The following EMSY variants were observed in gnomAD, a reference collection of about 807,000 sequenced individuals.
The protein encoded by EMSY is EMSY transcriptional repressor, BRCA2 interacting, also known as BRCA2-interacting transcriptional repressor EMSY.
A neutral mutation model predicts 134.6 loss-of-function variants in EMSY; 26 were observed. The observed-to-expected ratio is 0.19, with a 90% CI of 0.14 to 0.27. The LOEUF (loss-of-function observed/expected upper bound fraction) is 0.27, where lower values mean the gene tolerates loss of function less well. Ranked by LOEUF, EMSY falls within the 10% of genes least tolerant of loss-of-function variation. The probability of loss-of-function intolerance (pLI) is 1.00; values close to 1 mark genes in which losing one functional copy is unlikely to be tolerated. For synonymous variants in EMSY, 579 were observed against 577.8 expected (o/e 1.00, Z -0.03); for missense variants, 1,305 against 1,611.4 (o/e 0.81, Z 3.26).
intron 17 of EMSY, among the ~76,000 whole-genome samples, chr11:76,541,247 T>A (rs1253709005): frequency 6.6e-6 from 1 of 152,054 alleles, no homozygotes; most frequent in Non-Finnish European, 1.5e-5. Flanking sequence ...AACAAATGAA[T>A]AAAAAGTTGA....
At chr11:76,515,207 G>T (rs201417040) in intron 10 of EMSY, among the ~76,000 whole-genome samples, 98 of 80,160 alleles carry the variant, frequency 1.2e-3, no homozygotes, top group South Asian at 2.4e-3. Context: ...GCATTTTTTT[G>T]GGGGGGGGGA....
At chr11:76,523,430 T>A in intron 12 of EMSY, 139 bp downstream of exon 13, 1 of 935,896 alleles carries the variant, frequency 1.1e-6, no homozygotes, top group Non-Finnish European at 1.5e-6. Context: ...ATAACAACTG[T>A]TAAAGCACCA....
intron 9 of EMSY, among the ~76,000 whole-genome samples, chr11:76,502,062 A>AAC (rs1949883632): frequency 6.9e-6 from 1 of 144,580 alleles, no homozygotes; most frequent in Admixed American, 6.8e-5. Context: ...AAAAAAAAAA[A>AAC]CCCACCAACT....
At chr11:76,523,743 G>C (rs1435896475) in intron 12 of EMSY, among the ~76,000 whole-genome samples, 1 of 81,382 alleles carries the variant, frequency 1.2e-5, no homozygotes, top group Non-Finnish European at 2.3e-5. Flanking sequence ...ACCTCTTTGA[G>C]CTGTTAAAAA....
chr11:76,534,657 T>A (rs1167451779), intron 14 of EMSY, among the ~76,000 whole-genome samples: 1 of 152,184 alleles, frequency 6.6e-6, no homozygotes, highest in East Asian at 1.9e-4. Context: ...TATTCTTGTT[T>A]TGGGGGCTAC....
rs1222783749 is a variant in EMSY, at chr11:76,513,101, A to G, written c.1364-285A>G. Among the ~76,000 whole-genome samples the G allele has an allele frequency of 2.6e-5, 4 of 152,142 alleles. No homozygotes were observed. The East Asian group carries it at 7.7e-4, about 29-fold the overall frequency. ...TTGCCTGTAAAGTCAAGTCCAGTGGATAATTTGGTTTGAAAGCTCTTGTAT... is the reference window on the plus strand; with the variant it reads ...TTGCCTGTAAAGTCAAGTCCAGTGGGTAATTTGGTTTGAAAGCTCTTGTAT... On this transcript the variant is annotated intron_variant, in intron 9 of 20. Coordinates refer to ENST00000334736, the Ensembl canonical transcript of EMSY.
At chr11:76,446,879 T>G (rs774181297) in intron 1 of EMSY, 21 bp from the exon 2 acceptor site, 2 of 649,598 alleles carry the variant, frequency 3.1e-6, no homozygotes, top group South Asian at 3.3e-5. Context: ...GTAATTTGAC[T>G]TTTTTTTTTT....
chr11:76,506,676 CT>C (rs1383325508), intron 9 of EMSY, among the ~76,000 whole-genome samples: 11 of 152,298 alleles, frequency 7.2e-5, no homozygotes, highest in Admixed American at 2.6e-4. Flanking sequence ...CCACCCGCCC[CT>C]ATCACATTGG....
At chr11:76,446,914 T>C in exon 2 of EMSY, 2 of 1,610,022 alleles carry the variant, frequency 1.2e-6, no homozygotes, top group Non-Finnish European at 1.7e-6. Context: ...GACAAGCTCT[T>C]TGGGGCTACC....
At chr11:76,546,797 G>T (rs190174886) in intron 20 of EMSY, among the ~76,000 whole-genome samples, 30 of 152,288 alleles carry the variant, frequency 2.0e-4, no homozygotes, top group African/African-American at 7.2e-4. Context: ...CAACTGCAAT[G>T]TCTGGAGAGA....
At chr11:76,477,272 T>G (rs1012787214) in intron 8 of EMSY, among the ~76,000 whole-genome samples, 8 of 146,416 alleles carry the variant, frequency 5.5e-5, no homozygotes, top group Non-Finnish European at 9.1e-5. Flanking sequence ...TTATTTCTGT[T>G]TTTTTTTTTG....
chr11:76,490,854 G>GT (rs569042497), intron 8 of EMSY, among the ~76,000 whole-genome samples: 3,493 of 148,348 alleles, frequency 0.024, 32 homozygotes, highest in South Asian at 0.031. Flanking sequence ...CATTGCTAGG[G>GT]GGTGTGTGTG....
intron 8 of EMSY, among the ~76,000 whole-genome samples, chr11:76,478,156 T>G (rs1948837473): frequency 6.6e-6 from 1 of 152,140 alleles, no homozygotes; most frequent in African/African-American, 2.4e-5. Context: ...TCCCCCCTTA[T>G]CAGTTCAACA....
rs778249216 is a variant in EMSY at position 76,458,180 on chromosome 11, T to C, written c.246-3T>C. Reference sequence around the variant, plus strand: ...TTGTAGCAGCGCTTTCTTTTTTGTTTAGTATGTCTGGACCTAATAGCTCTT... The same window carrying C: ...TTGTAGCAGCGCTTTCTTTTTTGTTCAGTATGTCTGGACCTAATAGCTCTT... On this transcript the variant is annotated splice_region_variant and splice_polypyrimidine_tract_variant and intron_variant, in intron 4 of 20. Transcript: ENST00000334736. 5 of 1,597,628 alleles carry C rather than the reference T, an allele frequency of 3.1e-6. No individual in the cohort carries two copies. The highest frequency in any genetic ancestry group is 4.3e-6 in the Non-Finnish European group (5 of 1,173,930).
At chr11:76,512,810 T>G (rs1950325083) in intron 9 of EMSY, among the ~76,000 whole-genome samples, 1 of 152,134 alleles carries the variant, frequency 6.6e-6, no homozygotes, top group Admixed American at 6.5e-5. Context: ...CACACATTTT[T>G]TTGTGTAGGT....
chr11:76,536,025 A>G lies in EMSY; in HGVS notation c.2325A>G (p.Thr775=), dbSNP rs754371737. 1.9e-6 allele frequency: 3 copies of G among 1,587,986 alleles called. No homozygotes were observed. The Admixed American group carries it at 5.3e-5, about 28-fold the overall frequency. Residue 775 remains threonine, a synonymous_variant, in exon 15 of 21, where the codon ACA becomes ACG. Coordinates refer to ENST00000334736, the Ensembl canonical transcript of EMSY. ...GTGAATCACAATCAGCTACTTCAAC[A>G]ATCAAAGCTCTGTTAGAACTCCAAC...
intron 4 of EMSY, among the ~76,000 whole-genome samples, chr11:76,457,952 T>C (rs992389088): frequency 2.0e-5 from 3 of 152,232 alleles, no homozygotes; most frequent in Non-Finnish European, 4.4e-5. Context: ...GTTTCAGTTA[T>C]GTTCATGATA....
chr11:76,523,254 C>G, exon 12 of EMSY: 1 of 1,613,318 alleles, frequency 6.2e-7, no homozygotes, highest in Non-Finnish European at 8.5e-7. Flanking sequence ...CAAGGCCTCC[C>G]GGGCAAAAAT....
intron 16 of EMSY, 101 bp from the exon 18 acceptor site, chr11:76,539,498 C>G (rs1327042456): frequency 8.8e-7 from 1 of 1,141,800 alleles, no homozygotes; most frequent in Non-Finnish European, 1.3e-6. Flanking sequence ...AAGCAGAGGC[C>G]AGTATTCTGG....
Sources: allele counts gnomAD v4.1 joint callset (sites outside exome capture counted in the v4.1 genomes callset), GRCh38; gene constraint gnomAD v4.1.1; transcripts MANE v1.5; gene names NCBI Gene and HGNC (gene_info 2026-07-23, HGNC 2026-07-21).